Variants in CHRNA9 observed in about 807,000 individuals in gnomAD.
The protein encoded by CHRNA9 is cholinergic receptor nicotinic alpha 9 subunit.
In CHRNA9, 24 loss-of-function variants were observed where a neutral mutation model predicts 36.8. That is an observed-to-expected ratio of 0.65 (90% CI 0.47 to 0.92). The LOEUF is 0.92. Ranked by LOEUF, CHRNA9 falls within the 40% of genes least tolerant of loss-of-function variation. The probability of loss-of-function intolerance (pLI) is 0.00; values close to 1 mark genes in which losing one functional copy is unlikely to be tolerated. For missense variants in CHRNA9, 610 were observed against 601.2 expected, an observed-to-expected ratio of 1.01 and a Z score of -0.15; for synonymous variants, 231 against 231.8, an observed-to-expected ratio of 1.00 and a Z score of 0.03.
rs767309770 is a variant in CHRNA9 at position 40,354,224 on chromosome 4, C to T, written c.1144C>T (p.Leu382=). 12 of 1,614,096 alleles carry T rather than the reference C, an allele frequency of 7.4e-6. No homozygotes were observed. Among genetic ancestry groups the T allele is most frequent in the African/African-American group, 6.7e-5 (5 of 74,908 alleles). ...TTATAGCAAACTCCCAGAGTCTAAC[C>T]TGAAAGCAGCCAGGAACAAAGACCT... ...KVYSKLPESN[L]KAARNKDLSR... is the part of the protein sequence containing the mutation. Residue 382 remains leucine, a synonymous_variant, in exon 5 of 5, where the codon CTG becomes TTG. Coordinates refer to ENST00000310169, the MANE Select transcript of CHRNA9 (RefSeq NM_017581.4).
chr4:40,347,946 G>A (rs993682955), intron 3 of CHRNA9: 1 of 152,198 alleles, frequency 6.6e-6, no homozygotes, highest in Non-Finnish European at 1.5e-5. Flanking sequence ...GCAACCTTGT[G>A]AAATAGGAAT....
chr4:40,341,675 T>A (rs1042904887), intron 3 of CHRNA9, among the ~76,000 whole-genome samples: 5 of 152,224 alleles, frequency 3.3e-5, no homozygotes, highest in Non-Finnish European at 5.9e-5. Flanking sequence ...CTCGAGCCCA[T>A]ACCCACTCTG....
chr4:40,341,308 G>A (rs56323965), intron 3 of CHRNA9, among the ~76,000 whole-genome samples: 2 of 151,484 alleles, frequency 1.3e-5, no homozygotes, highest in Admixed American at 6.6e-5. Context: ...GGGTGGTGGC[G>A]GTAGTTTGCT....
intron 2 of CHRNA9, among the ~76,000 whole-genome samples, 195 bp from the exon 3 acceptor site, chr4:40,337,015 A>G (rs1269638637): frequency 2.0e-5 from 3 of 150,848 alleles, no homozygotes; most frequent in Admixed American, 6.6e-5. Context: ...TCTGAACACT[A>G]AATCTAGGAG....
At chr4:40,353,805 A>G (rs1712868495) in intron 4 of CHRNA9, among the ~76,000 whole-genome samples, 174 bp from the exon 5 acceptor site, 1 of 152,256 alleles carries the variant, frequency 6.6e-6, no homozygotes, top group African/African-American at 2.4e-5. Flanking sequence ...CTAGGTGTAT[A>G]GAAGGCTAGA....
chr4:40,342,319 A>G (rs932759826), intron 3 of CHRNA9, among the ~76,000 whole-genome samples: 1 of 152,228 alleles, frequency 6.6e-6, no homozygotes, highest in Non-Finnish European at 1.5e-5. Context: ...CCTCATGGAA[A>G]TGTCCAATAG....
At chr4:40,344,681 C>T (rs1437204367) in intron 3 of CHRNA9, among the ~76,000 whole-genome samples, 1 of 152,032 alleles carries the variant, frequency 6.6e-6, no homozygotes, top group Non-Finnish European at 1.5e-5. Context: ...AGAGATATAA[C>T]CCACCTAAGG....
At chr4:40,352,233 A>T (rs923883383) in intron 4 of CHRNA9, among the ~76,000 whole-genome samples, 1 of 151,996 alleles carries the variant, frequency 6.6e-6, no homozygotes, top group African/African-American at 2.4e-5. Flanking sequence ...AGCTATTTTT[A>T]TTTTTTAAGA....
Position 40,354,663 on chromosome 4 carries a change from C to G in CHRNA9, c.*143C>G. The G allele has an allele frequency of 1.4e-6, 1 of 715,754 alleles. No homozygotes were observed. The allele number at this position is 715,754 out of a possible 1,614,324, so 44.3% of individuals were successfully genotyped here. On this transcript the variant is annotated 3_prime_UTR_variant, in exon 5 of 5. Transcript: ENST00000310169. ...TTTATTTTTAGCTTCAAATGAATGT[C>G]GAAGCTATCTGCTCTGTTAAATTAA...
chr4:40,346,205 G>A (rs73229802), intron 3 of CHRNA9, among the ~76,000 whole-genome samples: 5,908 of 152,264 alleles, frequency 0.039, 184 homozygotes, highest in South Asian at 0.073. Context: ...GTATTCCCTC[G>A]CTGTCTTCCT....
chr4:40,349,321 G>A lies in CHRNA9; in HGVS notation c.805G>A (p.Val269Ile). Residue 269 changes from valine (V) to isoleucine (I), a missense_variant, in exon 4 of 5, where the codon GTC becomes ATC. Physicochemically the swap from Val to Ile is conservative, Grantham distance 29. Transcript: ENST00000310169. Reference sequence around the variant, plus strand: ...TCTCCCAGCAGCCTCCGGAGAAAAGGTCTCCCTGGGAGTGACCATCCTGTT... The same window carrying A: ...TCTCCCAGCAGCCTCCGGAGAAAAGATCTCCCTGGGAGTGACCATCCTGTT... ...FYLPAASGEK[V>I]SLGVTILLAM... is the part of the protein sequence containing the mutation. 1 of 1,614,034 alleles carries A rather than the reference G, an allele frequency of 6.2e-7. No homozygotes were observed. Among genetic ancestry groups the A allele is most frequent in the Non-Finnish European group, 8.5e-7 (1 of 1,179,988 alleles).
chr4:40,338,997 G>A (rs1712411439), intron 3 of CHRNA9, among the ~76,000 whole-genome samples: 1 of 152,108 alleles, frequency 6.6e-6, no homozygotes, highest in South Asian at 2.1e-4. Flanking sequence ...ATTGACACAG[G>A]CAGGGCGTGA....
At chr4:40,338,273 G>A (rs911227140) in intron 3 of CHRNA9, 2 of 152,136 alleles carry the variant, frequency 1.3e-5, no homozygotes, top group Admixed American at 1.3e-4. Context: ...CAAGCTGTAA[G>A]GTGCATATGA....
chr4:40,346,358 T>A (rs1712637665), intron 3 of CHRNA9, among the ~76,000 whole-genome samples: 1 of 152,240 alleles, frequency 6.6e-6, no homozygotes, highest in South Asian at 2.1e-4. Flanking sequence ...ATGGTTTCTC[T>A]GCATTGTTTC....
In CHRNA9 at chr4:40,349,564, GC is replaced by G. The variant is rs561720823; in HGVS notation, c.898+151del. On this transcript the variant is annotated intron_variant, in intron 4 of 4. Transcript: ENST00000310169. ...CAAATTTTTCTGGTGGTTGCAGTTAGCATCTTTCAATATAGATGAGCCTTTT... is the reference window on the plus strand; with the variant it reads ...CAAATTTTTCTGGTGGTTGCAGTTAGATCTTTCAATATAGATGAGCCTTTT... 117 of 702,600 alleles carry G rather than the reference GC, an allele frequency of 1.7e-4. 1 individual carries two copies. In the East Asian group the frequency reaches 3.0e-3, roughly 18 times the overall value. The allele number at this position is 702,600 out of a possible 1,614,324, so 43.5% of individuals were successfully genotyped here. A position where few individuals can be genotyped will look rare whatever the true frequency, so the allele number is the denominator to read the frequency against.
chr4:40,348,402 T>C (rs1157940527), intron 3 of CHRNA9, among the ~76,000 whole-genome samples: 1 of 152,204 alleles, frequency 6.6e-6, no homozygotes, highest in Non-Finnish European at 1.5e-5. Context: ...GAACAACTTT[T>C]TTTCTCTGAG....
chr4:40,339,854 A>G (rs538436776), intron 3 of CHRNA9, among the ~76,000 whole-genome samples: 26 of 151,568 alleles, frequency 1.7e-4, no homozygotes, highest in Admixed American at 3.9e-4. Flanking sequence ...TTTAGTAGAG[A>G]CAGAGTCTCA....
chr4:40,339,478 C>G (rs112422052), intron 3 of CHRNA9, among the ~76,000 whole-genome samples: 9 of 150,210 alleles, frequency 6.0e-5, no homozygotes, highest in East Asian at 2.0e-4. Flanking sequence ...GTCAGGAGAT[C>G]GAGACCATCC....
chr4:40,350,001 G>C (rs553713316), intron 4 of CHRNA9: 1 of 155,016 alleles, frequency 6.5e-6, no homozygotes, highest in African/African-American at 2.4e-5. Flanking sequence ...GCTTCCTTCT[G>C]TGTCATTGCT....
Sources: gnomAD v4.1 joint callset for allele counts (sites outside exome capture counted in the v4.1 genomes callset) on GRCh38, gnomAD v4.1.1 for gene constraint, MANE v1.5 for transcripts, NCBI Gene and HGNC (gene_info 2026-07-23, HGNC 2026-07-21) for gene names.